Variants in GHR observed in about 807,000 individuals in gnomAD.
GHR encodes growth hormone receptor, also known as GH receptor.
A neutral mutation model predicts 67.1 loss-of-function variants in GHR; 35 were observed. The ratio of observed to expected loss-of-function variants is 0.52; its 90% confidence interval spans 0.40 to 0.69. The LOEUF (loss-of-function observed/expected upper bound fraction) is 0.69. GHR is among the 30% of genes least tolerant of loss of function. The pLI, the probability that GHR is intolerant of heterozygous loss-of-function variation, is 0.00. For missense variants in GHR, 792 were observed against 764.6 expected, an observed-to-expected ratio of 1.04 and a Z score of -0.42; for synonymous variants, 272 against 269.1, an observed-to-expected ratio of 1.01 and a Z score of -0.10.
rs142737566 is a variant in GHR, at chr5:42,504,490, G to A, written c.-11-61374G>A. 7.9e-5 allele frequency among the ~76,000 whole-genome samples: 12 copies of A among 152,288 alleles called. No individual in the cohort carries two copies. The East Asian group carries it at 1.4e-3, about 17-fold the overall frequency. ...AGGTATGAAGTCTTGGCCAGGCACC[G>A]TGGCTCACGCCTGTAATCCCAGCAC... On this transcript the variant is annotated intron_variant, in intron 1 of 9. Transcript: ENST00000230882.
chr5:42,620,035 G>A (rs529518881), intron 2 of GHR, among the ~76,000 whole-genome samples: 69 of 152,180 alleles, frequency 4.5e-4, no homozygotes, highest in African/African-American at 1.4e-3. Context: ...GCATTCACGC[G>A]GGTGACAGTG....
intron 1 of GHR, chr5:42,547,958 A>G (rs778530550): frequency 5.6e-4 from 179 of 322,468 alleles, no homozygotes; most frequent in Admixed American, 7.7e-4. Context: ...TACTCCTTAG[A>G]GAAGGGAAAG....
At chr5:42,680,374 G>A (rs1262077999) in intron 3 of GHR, among the ~76,000 whole-genome samples, 10 of 152,082 alleles carry the variant, frequency 6.6e-5, no homozygotes, top group Admixed American at 6.6e-4. Flanking sequence ...GACTGCATAT[G>A]CAGATTGCTT....
At chr5:42,591,452 T>C (rs1751771286) in intron 2 of GHR, among the ~76,000 whole-genome samples, 1 of 152,220 alleles carries the variant, frequency 6.6e-6, no homozygotes, top group Admixed American at 6.5e-5. Flanking sequence ...CTAGTTCTTA[T>C]AGCTGCGATT....
In GHR at chr5:42,628,928, G is replaced by A; in HGVS notation, c.71-110G>A. Reference sequence around the variant, plus strand: ...CTGGAGTCCCCTTGGCCAAGAAGGGGTCCATTCGGTTGGTTTGGGAAGCTG... The same window carrying A: ...CTGGAGTCCCCTTGGCCAAGAAGGGATCCATTCGGTTGGTTTGGGAAGCTG... On this transcript the variant is annotated intron_variant, in intron 2 of 9. Coordinates refer to ENST00000230882, the MANE Select transcript of GHR (RefSeq NM_000163.5). The A allele has an allele frequency of 2.9e-6, 2 of 695,174 alleles. 1 individual carries two copies. Among genetic ancestry groups the A allele is most frequent in the Non-Finnish European group, 5.1e-6 (2 of 389,726 alleles). 43.1% of individuals were successfully genotyped at this position (695,174 alleles called of 1,614,324 possible). A position where few individuals can be genotyped will look rare whatever the true frequency, so the allele number is the denominator to read the frequency against.
At chr5:42,548,980 TC>T (rs1748878161) in intron 1 of GHR, among the ~76,000 whole-genome samples, 1 of 152,206 alleles carries the variant, frequency 6.6e-6, no homozygotes, top group Non-Finnish European at 1.5e-5. Flanking sequence ...TTAATTCTGT[TC>T]CATGTGTTAC....
rs1332465125 is a variant in GHR, at chr5:42,478,737, A to G, written c.-12+54782A>G. Among the ~76,000 whole-genome samples the G allele has an allele frequency of 2.0e-5, 3 of 152,182 alleles. No individual in the cohort carries two copies. In the East Asian group the frequency reaches 5.8e-4, roughly 29 times the overall value. On this transcript the variant is annotated intron_variant, in intron 1 of 9. Transcript: ENST00000230882. ...TGTGATTTTTGCATATTGATTTTGT[A>G]TCCTGAGACTTTGCTGAAGTTGCTT...
intron 1 of GHR, among the ~76,000 whole-genome samples, chr5:42,480,933 A>G (rs1435143470): frequency 6.6e-6 from 1 of 152,188 alleles, no homozygotes; most frequent in Non-Finnish European, 1.5e-5. Context: ...TGTCATTATG[A>G]TGTCAGCTGG....
chr5:42,578,366 A>G (rs1750881540), intron 2 of GHR, among the ~76,000 whole-genome samples: 1 of 152,220 alleles, frequency 6.6e-6, no homozygotes. Flanking sequence ...ATATAGTTAC[A>G]TTACACCTCT....
intron 1 of GHR, among the ~76,000 whole-genome samples, chr5:42,442,857 A>C (rs143012626): frequency 6.6e-6 from 1 of 152,226 alleles, no homozygotes; most frequent in African/African-American, 2.4e-5. Context: ...CTTTTTCACA[A>C]ATCAAAGTCA....
chr5:42,694,679 A>T (rs1174545092), intron 4 of GHR, among the ~76,000 whole-genome samples: 1 of 152,200 alleles, frequency 6.6e-6, no homozygotes, highest in Non-Finnish European at 1.5e-5. Flanking sequence ...TAGCATATTC[A>T]TTCAATAAAC....
Position 42,602,159 on chromosome 5 carries a change from C to T in GHR, c.71-26879C>T, listed in dbSNP as rs143681353. On this transcript the variant is annotated intron_variant, in intron 2 of 9. Transcript: ENST00000230882. ...TCATCTCCTACATAGTTATCTTTTG[C>T]GTGTATGTGTGTGGTAAGAGCTCCA... is the stretch of plus-strand genomic sequence containing the variant. Among the ~76,000 whole-genome samples the T allele has an allele frequency of 4.2e-3, 646 of 152,084 alleles. 1 individual carries two copies. Among genetic ancestry groups the T allele is most frequent in the African/African-American group, 0.014 (597 of 41,498 alleles).
At chr5:42,435,620 A>T (rs566080197) in intron 1 of GHR, among the ~76,000 whole-genome samples, 16 of 152,212 alleles carry the variant, frequency 1.1e-4, no homozygotes, top group Admixed American at 2.6e-4. Context: ...ATCCATAATC[A>T]TGATATATTT....
intron 2 of GHR, among the ~76,000 whole-genome samples, chr5:42,612,635 C>A (rs1226707057): frequency 1.3e-5 from 2 of 152,054 alleles, no homozygotes; most frequent in East Asian, 1.9e-4. Flanking sequence ...CTCTTATTAT[C>A]TGTATTCTCA....
chr5:42,688,408 T>G lies in GHR; in HGVS notation c.137-482T>G, dbSNP rs949092011. On this transcript the variant is annotated intron_variant, in intron 3 of 9. Transcript: ENST00000230882. ...GGTAGATAAATATCCTAGCCTCTCA[T>G]CTTTCTACACAACAGTGGTGGTGCA... Among the ~76,000 whole-genome samples, 3 of 152,176 alleles carry G rather than the reference T, an allele frequency of 2.0e-5. No individual in the cohort carries two copies. The East Asian group carries it at 5.8e-4, about 29-fold the overall frequency.
intron 1 of GHR, among the ~76,000 whole-genome samples, chr5:42,509,033 T>G (rs1282619891): frequency 1.3e-5 from 2 of 152,236 alleles, no homozygotes; most frequent in African/African-American, 4.8e-5. Context: ...TGGTTACCTT[T>G]CCTTTAGCAG....
intron 1 of GHR, among the ~76,000 whole-genome samples, chr5:42,564,241 A>T (rs6882605): frequency 2.7e-4 from 27 of 98,988 alleles, no homozygotes; most frequent in African/African-American, 4.5e-4. Flanking sequence ...AATCTCACAA[A>T]GTGTGAGATT....
chr5:42,675,905 C>T (rs80252660), intron 3 of GHR, among the ~76,000 whole-genome samples: 2,647 of 152,230 alleles, frequency 0.017, 136 homozygotes, highest in South Asian at 0.15. Flanking sequence ...TAGACTGTGC[C>T]TTTATTTGGG....
intron 2 of GHR, among the ~76,000 whole-genome samples, chr5:42,591,843 A>G (rs184512728): frequency 2.6e-5 from 4 of 152,266 alleles, no homozygotes; most frequent in African/African-American, 9.6e-5. Flanking sequence ...ATTAATGCTG[A>G]GATATGACTT....
Sources: allele counts gnomAD v4.1 joint callset (sites outside exome capture counted in the v4.1 genomes callset), GRCh38; gene constraint gnomAD v4.1.1; transcripts MANE v1.5; gene names NCBI Gene and HGNC (gene_info 2026-07-23, HGNC 2026-07-21).